The following KCNB2 variants were observed in gnomAD, a reference collection of about 807,000 sequenced individuals.
The protein encoded by KCNB2 is delayed rectifier potassium channel protein.
In KCNB2, 15 loss-of-function variants were observed where a neutral mutation model predicts 61.5. That is an observed-to-expected ratio of 0.24 (90% CI 0.16 to 0.38). The LOEUF (loss-of-function observed/expected upper bound fraction) is 0.38, where lower values mean the gene tolerates loss of function less well. Among genes scored for constraint, KCNB2 ranks in the 10% least tolerant of loss-of-function variants. The pLI is 1.00. For synonymous variants in KCNB2, 457 were observed against 446.0 expected, an observed-to-expected ratio of 1.02 and a Z score of -0.31; for missense variants, 828 against 1,125.2, an observed-to-expected ratio of 0.74 and a Z score of 3.78.
chr8:72,914,956 G>A (rs918736107), intron 2 of KCNB2, among the ~76,000 whole-genome samples: 1 of 150,718 alleles, frequency 6.6e-6, no homozygotes, highest in Middle Eastern at 3.4e-3. Flanking sequence ...CCAGGCTGGA[G>A]TGCAGTGGCA....
chr8:72,794,049 T>A (rs759847293), intron 2 of KCNB2, among the ~76,000 whole-genome samples: 1 of 152,182 alleles, frequency 6.6e-6, no homozygotes, highest in Admixed American at 6.5e-5. Flanking sequence ...AGGGAAGTGA[T>A]GCCACTCAGT....
chr8:72,739,453 GA>G (rs1807907890), intron 2 of KCNB2, among the ~76,000 whole-genome samples: 1 of 151,904 alleles, frequency 6.6e-6, no homozygotes, highest in African/African-American at 2.4e-5. Flanking sequence ...AGATACAATA[GA>G]AACAAATTGG....
intron 2 of KCNB2, among the ~76,000 whole-genome samples, chr8:72,606,663 A>C (rs1805456876): frequency 6.6e-6 from 1 of 152,156 alleles, no homozygotes; most frequent in African/African-American, 2.4e-5. Flanking sequence ...TGTGATTTAC[A>C]TGAAGGTCTG....
chr8:72,789,431 A>G (rs1277376450), intron 2 of KCNB2, among the ~76,000 whole-genome samples: 2 of 152,148 alleles, frequency 1.3e-5, no homozygotes, highest in Non-Finnish European at 2.9e-5. Context: ...AAGATTATCT[A>G]AATCTTTTTG....
intron 2 of KCNB2, among the ~76,000 whole-genome samples, chr8:72,869,163 C>G (rs1231087012): frequency 6.6e-6 from 1 of 152,166 alleles, no homozygotes; most frequent in African/African-American, 2.4e-5. Context: ...GTTGAGTTAC[C>G]TGCCTTGAGC....
intron 2 of KCNB2, among the ~76,000 whole-genome samples, chr8:72,843,673 C>T (rs996802764): frequency 5.9e-5 from 9 of 152,134 alleles, no homozygotes; most frequent in Non-Finnish European, 1.2e-4. Flanking sequence ...TTGCATTGAT[C>T]CCTTTACCAT....
chr8:72,763,052 A>AG lies in KCNB2; in HGVS notation c.580-172883_580-172882insG, dbSNP rs1808408958. ...ACGAGAACTTTGCAAAGTAAAAAAA[A>AG]AAAAAAAACAGAAAAAGAAATGCTT... On this transcript the variant is annotated intron_variant, in intron 2 of 2. Transcript: ENST00000523207. 3.3e-5 allele frequency among the ~76,000 whole-genome samples: 5 copies of AG among 150,736 alleles called. No homozygotes were observed. The South Asian group carries it at 1.0e-3, about 31-fold the overall frequency.
intron 2 of KCNB2, among the ~76,000 whole-genome samples, chr8:72,729,612 G>A (rs749496117): frequency 1.3e-5 from 2 of 152,182 alleles, no homozygotes; most frequent in South Asian, 2.1e-4. Flanking sequence ...TGCCGGGCGC[G>A]GTGGCTCATG....
chr8:72,747,445 C>A (rs534502313), intron 2 of KCNB2, among the ~76,000 whole-genome samples: 10 of 152,190 alleles, frequency 6.6e-5, no homozygotes, highest in Middle Eastern at 3.4e-3. Context: ...ATCTCCAAGA[C>A]AAGTTGTGTA....
chr8:72,868,774 A>G (rs1460770152), intron 2 of KCNB2, among the ~76,000 whole-genome samples: 1 of 152,210 alleles, frequency 6.6e-6, no homozygotes, highest in Non-Finnish European at 1.5e-5. Flanking sequence ...TCATAAAAGT[A>G]GAAATACTCA....
intron 2 of KCNB2, among the ~76,000 whole-genome samples, chr8:72,709,638 A>G (rs1462966725): frequency 1.3e-5 from 2 of 152,184 alleles, no homozygotes; most frequent in East Asian, 1.9e-4. Context: ...GAACTCACTT[A>G]TCACCTCAAG....
At chr8:72,712,459 G>A (rs764730779) in intron 2 of KCNB2, among the ~76,000 whole-genome samples, 1 of 152,226 alleles carries the variant, frequency 6.6e-6, no homozygotes, top group Non-Finnish European at 1.5e-5. Context: ...GGCTGGTCCT[G>A]TGACCTGGGC....
intron 2 of KCNB2, among the ~76,000 whole-genome samples, chr8:72,718,079 G>T (rs1296508187): frequency 6.6e-6 from 1 of 152,040 alleles, no homozygotes; most frequent in East Asian, 1.9e-4. Context: ...ATCATCACTG[G>T]CCATCAGAGA....
chr8:72,718,191 T>C (rs910392690), intron 2 of KCNB2, among the ~76,000 whole-genome samples: 1 of 152,056 alleles, frequency 6.6e-6, no homozygotes, highest in Non-Finnish European at 1.5e-5. Context: ...TGTGGAGAAA[T>C]AGGAACACTT....
rs142931501 is a variant in KCNB2, at chr8:72,537,353, A to ACCGCCCT, written c.-605_-599dup. The stretch of plus-strand genomic sequence containing the variant: ...ACAGACACACACCCACCAAGCACCC[A>ACCGCCCT]CCGCCCTCCGCCCTCCGCCCTCCGC... On this transcript the variant is annotated 5_prime_UTR_variant, in exon 1 of 3. Coordinates refer to ENST00000523207, the MANE Select transcript of KCNB2 (RefSeq NM_004770.3). 2.6e-4 allele frequency: 38 copies of ACCGCCCT among 148,850 alleles called. No individual in the cohort carries two copies. Among genetic ancestry groups the ACCGCCCT allele is most frequent in the African/African-American group, 5.8e-4 (24 of 41,156 alleles). 9.2% of individuals were successfully genotyped at this position (148,850 alleles called of 1,614,324 possible).
At chr8:72,611,223 T>A (rs1029501058) in intron 2 of KCNB2, among the ~76,000 whole-genome samples, 9 of 152,222 alleles carry the variant, frequency 5.9e-5, no homozygotes, top group Non-Finnish European at 1.2e-4. Context: ...ATATGGATGA[T>A]GTTAAAATAT....
chr8:72,666,915 A>G (rs1361504921), intron 2 of KCNB2, among the ~76,000 whole-genome samples: 1 of 151,918 alleles, frequency 6.6e-6, no homozygotes, highest in Non-Finnish European at 1.5e-5. Flanking sequence ...TCTACTTATA[A>G]CACTGAAGTA....
At chr8:72,834,575 C>A (rs2919410) in intron 2 of KCNB2, among the ~76,000 whole-genome samples, 22,337 of 152,074 alleles carry the variant, frequency 0.15, 2,599 homozygotes, top group East Asian at 0.51. Flanking sequence ...AAGTCCTGAG[C>A]CACAAACCTG....
chr8:72,657,155 A>G (rs986361846), intron 2 of KCNB2, among the ~76,000 whole-genome samples: 3 of 152,182 alleles, frequency 2.0e-5, no homozygotes, highest in Non-Finnish European at 4.4e-5. Flanking sequence ...AGATTGAAAT[A>G]CAGTTACTAC....
Sources: allele counts gnomAD v4.1 joint callset (sites outside exome capture counted in the v4.1 genomes callset), GRCh38; gene constraint gnomAD v4.1.1; transcripts MANE v1.5; gene names NCBI Gene and HGNC (gene_info 2026-07-23, HGNC 2026-07-21).